Variants in SYT13 observed in about 807,000 individuals in gnomAD.
SYT13 encodes the protein synaptotagmin-13.
In SYT13, 21 loss-of-function variants were observed where a neutral mutation model predicts 38.6. The ratio of observed to expected loss-of-function variants is 0.54; its 90% CI spans 0.39 to 0.78. SYT13 has a LOEUF of 0.78. Among genes scored for constraint, SYT13 ranks in the 30% least tolerant of loss-of-function variants. SYT13 has a pLI of 0.00. For synonymous variants in SYT13, 241 were observed against 237.6 expected, an observed-to-expected ratio of 1.01 and a Z score of -0.13; for missense variants, 495 against 548.7, an observed-to-expected ratio of 0.90 and a Z score of 0.98.
At chr11:45,267,053 T>C (rs963522826) in intron 1 of SYT13, among the ~76,000 whole-genome samples, 2 of 152,188 alleles carry the variant, frequency 1.3e-5, no homozygotes, top group Non-Finnish European at 2.9e-5. Context: ...AAACATAAAC[T>C]TCTTAAATCC....
intron 1 of SYT13, among the ~76,000 whole-genome samples, chr11:45,266,660 G>A (rs1032708909): frequency 1.3e-5 from 2 of 152,154 alleles, no homozygotes; most frequent in Non-Finnish European, 2.9e-5. Context: ...AGGCTGAGTG[G>A]GAACAGCCTC....
intron 2 of SYT13, 55 bp from the exon 3 acceptor site, chr11:45,254,459 G>T: frequency 6.3e-7 from 1 of 1,578,436 alleles, no homozygotes; most frequent in East Asian, 2.3e-5. Flanking sequence ...CTGCTTTCCT[G>T]ATTACACCTT....
At chr11:45,247,596 C>T (rs766616915) in intron 4 of SYT13, among the ~76,000 whole-genome samples, 4 of 152,210 alleles carry the variant, frequency 2.6e-5, no homozygotes, top group Non-Finnish European at 4.4e-5. Flanking sequence ...CTAACAGCCA[C>T]CGTGACTCCC....
At position 45,252,499 on chromosome 11, in the gene SYT13, C is replaced by T. The variant is rs766410853; in HGVS notation, c.768G>A (p.Gly256=). The T allele has an allele frequency of 6.2e-7, 1 of 1,613,828 alleles. No individual in the cohort carries two copies. The highest frequency in any genetic ancestry group is 8.5e-7 in the Non-Finnish European group (1 of 1,179,910). ...TCCCGTCCAGGCCCAGGCGGAGCTCCCCGGCCACGCTGTGACGGGAGAAGC... is the reference window on the plus strand; with the variant it reads ...TCCCGTCCAGGCCCAGGCGGAGCTCTCCGGCCACGCTGTGACGGGAGAAGC... ...CDRFSRHSVA[G]ELRLGLDGTS... The change falls in exon 4 of 6, where the codon GGG becomes GGA. Residue 256 remains glycine, a synonymous_variant. Transcript: ENST00000020926. The surrounding 1 kb of genome is among the most constrained non-coding windows in gnomAD (Gnocchi z 4.3).
At chr11:45,279,760 G>T (rs896126145) in intron 1 of SYT13, among the ~76,000 whole-genome samples, 1 of 152,190 alleles carries the variant, frequency 6.6e-6, no homozygotes, top group African/African-American at 2.4e-5. Context: ...TGAGCTAATA[G>T]TAAGCTAGAA....
intron 1 of SYT13, among the ~76,000 whole-genome samples, chr11:45,284,429 C>T (rs1050592650): frequency 3.3e-5 from 5 of 152,292 alleles, no homozygotes; most frequent in African/African-American, 1.2e-4. Context: ...CTGAACAGTG[C>T]GCCTGGCACA....
intron 1 of SYT13, among the ~76,000 whole-genome samples, chr11:45,275,707 A>G (rs1855002402): frequency 6.6e-6 from 1 of 152,082 alleles, no homozygotes; most frequent in African/African-American, 2.4e-5. Context: ...GGCCCTGGAG[A>G]GGGGCAAGGC....
intron 1 of SYT13, among the ~76,000 whole-genome samples, chr11:45,266,503 T>TACATACAC (rs145730888): frequency 2.0e-5 from 3 of 147,282 alleles, no homozygotes; most frequent in Non-Finnish European, 4.5e-5. Context: ...CCCTCTCAAA[T>TACATACAC]ACACACACAC....
chr11:45,282,946 G>C (rs1354281736), intron 1 of SYT13, among the ~76,000 whole-genome samples: 2 of 152,084 alleles, frequency 1.3e-5, no homozygotes, highest in Non-Finnish European at 2.9e-5. Context: ...CCAGGAGTTT[G>C]AGACCAGCCT....
intron 1 of SYT13, among the ~76,000 whole-genome samples, chr11:45,269,901 C>T (rs528824299): frequency 1.3e-5 from 2 of 152,310 alleles, no homozygotes; most frequent in South Asian, 2.1e-4. Context: ...AAATGTGTTT[C>T]ATTTGTGCCC....
chr11:45,256,527 C>G (rs1854749340), intron 1 of SYT13, among the ~76,000 whole-genome samples: 2 of 152,140 alleles, frequency 1.3e-5, no homozygotes, highest in South Asian at 2.1e-4. Flanking sequence ...ACCAAGGAGT[C>G]CATCTCTAAC....
In SYT13 at chr11:45,252,278, A is replaced by C; in HGVS notation, c.846+143T>G. The stretch of plus-strand genomic sequence containing the variant: ...CTCCTCTAGCCCTCTGCCCCATTCA[A>C]GATTCCAACCTCCCTTCCAGCCCCA... On this transcript the variant is annotated intron_variant, in intron 4 of 5. Coordinates refer to ENST00000020926, the MANE Select transcript of SYT13 (RefSeq NM_020826.3). The surrounding 1 kb of genome is among the most constrained non-coding windows in gnomAD (Gnocchi z 4.3). The C allele has an allele frequency of 2.0e-6, 2 of 1,000,428 alleles. No homozygotes were observed. The highest frequency in any genetic ancestry group is 2.3e-5 in the Admixed American group (1 of 42,682). 62.0% of individuals were successfully genotyped at this position (1,000,428 alleles called of 1,614,324 possible).
chr11:45,252,558 C>T lies in SYT13; in HGVS notation c.709G>A (p.Ala237Thr), dbSNP rs374063005. ...GTCCTCAAGGTCAGCGTCAGGGTGG[C>T]TGTGGGGAGCTCCTCCTCCGCCAGG... ...LPLAEEELPT[A>T]TLTLTLRTCD... Residue 237 changes from alanine to threonine, a missense_variant, in exon 4 of 6, where the codon GCC becomes ACC. By Grantham distance (58) the Ala-to-Thr change is moderately conservative. Coordinates refer to ENST00000020926, the MANE Select transcript of SYT13 (RefSeq NM_020826.3). This position sits in a 1 kb window ranked among gnomAD's most constrained non-coding sequence, Gnocchi z 4.3. 3.7e-5 allele frequency: 60 copies of T among 1,614,140 alleles called. No homozygotes were observed. In the Middle Eastern group the frequency reaches 6.6e-4, roughly 18 times the overall value.
intron 1 of SYT13, 126 bp from the exon 2 acceptor site, chr11:45,256,017 C>T: frequency 1.0e-6 from 1 of 952,824 alleles, no homozygotes; most frequent in Non-Finnish European, 1.6e-6. Context: ...TTTCATTCTG[C>T]TCTGAAGAGC....
intron 1 of SYT13, among the ~76,000 whole-genome samples, chr11:45,257,172 C>CA (rs1854758639): frequency 6.6e-6 from 1 of 152,198 alleles, no homozygotes; most frequent in Non-Finnish European, 1.5e-5. Context: ...ACCTGCTTGT[C>CA]AACCCTTAAG....
intron 4 of SYT13, among the ~76,000 whole-genome samples, chr11:45,251,098 T>C (rs1260573602): frequency 1.3e-5 from 2 of 151,904 alleles, no homozygotes; most frequent in Non-Finnish European, 2.9e-5. Context: ...CATTAAAAAA[T>C]AGTACCCTTG....
chr11:45,246,222 GT>G (rs910763698), intron 5 of SYT13, among the ~76,000 whole-genome samples, 160 bp downstream of exon 5: 6 of 152,276 alleles, frequency 3.9e-5, no homozygotes, highest in African/African-American at 1.2e-4. Flanking sequence ...AAATCAATTT[GT>G]GAACTTAGGG....
intron 1 of SYT13, among the ~76,000 whole-genome samples, chr11:45,278,716 G>C (rs1385581093): frequency 6.6e-6 from 1 of 152,014 alleles, no homozygotes; most frequent in Non-Finnish European, 1.5e-5. Context: ...CCCAAAGAAG[G>C]AACTAGGGGA....
intron 1 of SYT13, among the ~76,000 whole-genome samples, chr11:45,275,147 G>T (rs533934075): frequency 6.6e-5 from 10 of 152,226 alleles, no homozygotes; most frequent in African/African-American, 2.4e-4. Context: ...CTCCTCATTT[G>T]TCTACCCATC....
Sources: allele counts gnomAD v4.1 joint callset (sites outside exome capture counted in the v4.1 genomes callset), GRCh38; gene constraint gnomAD v4.1.1; non-coding constraint Gnocchi (gnomAD v3.1); transcripts MANE v1.5; gene names NCBI Gene and HGNC (gene_info 2026-07-23, HGNC 2026-07-21).